CRYM: variants seen among roughly 807,000 people sequenced by gnomAD.
CRYM encodes the protein ketimine reductase mu-crystallin.
Under a neutral mutation model 32.9 loss-of-function variants are expected in CRYM, and 18 were observed. The ratio of observed to expected loss-of-function variants is 0.55; its 90% CI spans 0.38 to 0.81. The LOEUF (loss-of-function observed/expected upper bound fraction) is 0.81. CRYM is among the 30% of genes least tolerant of loss of function. The pLI is 0.00. For synonymous variants in CRYM, 153 were observed against 152.4 expected (o/e 1.00, Z -0.03); for missense variants, 337 against 393.5 (o/e 0.86, Z 1.21).
intron 5 of CRYM, among the ~76,000 whole-genome samples, chr16:21,263,678 A>G (rs1382081425): frequency 6.6e-6 from 1 of 152,242 alleles, no homozygotes; most frequent in African/African-American, 2.4e-5. Flanking sequence ...GACCAGAATG[A>G]TGAATCCAAG....
chr16:21,289,972 G>T (rs549121009), intron 1 of CRYM, among the ~76,000 whole-genome samples: 5 of 151,922 alleles, frequency 3.3e-5, no homozygotes, highest in African/African-American at 1.2e-4. Context: ...TCTAGCTAAA[G>T]GATTGTAAAT....
upstream of CRYM, chr16:21,278,468 C>T (rs879832635): frequency 5.4e-5 from 33 of 607,788 alleles, no homozygotes; most frequent in Admixed American, 9.5e-4. Flanking sequence ...CTTCCAGCAA[C>T]GGATTCCCCA....
At chr16:21,298,119 CCAAT>C (rs1419996282) in intron 1 of CRYM, among the ~76,000 whole-genome samples, 4 of 152,230 alleles carry the variant, frequency 2.6e-5, no homozygotes, top group South Asian at 4.2e-4. Context: ...CAGTATTTGC[CCAAT>C]CAGAGAACTG....
At chr16:21,296,180 C>T (rs1036462217) in intron 1 of CRYM, among the ~76,000 whole-genome samples, 1 of 152,206 alleles carries the variant, frequency 6.6e-6, no homozygotes, top group Admixed American at 6.5e-5. Flanking sequence ...TCGAGTGATC[C>T]ACCCGCCTTG....
At chr16:21,292,510 C>A (rs757195096) in intron 1 of CRYM, among the ~76,000 whole-genome samples, 3 of 152,070 alleles carry the variant, frequency 2.0e-5, no homozygotes, top group Non-Finnish European at 2.9e-5. Flanking sequence ...TTGATTTATA[C>A]GCTCAAAACA....
intron 1 of CRYM, among the ~76,000 whole-genome samples, chr16:21,292,107 CA>C (rs1414724339): frequency 6.6e-6 from 1 of 151,822 alleles, no homozygotes; most frequent in African/African-American, 2.4e-5. Flanking sequence ...TTATAAAGGC[CA>C]AAAATTGAAA....
chr16:21,275,114 T>C (rs1286331461), intron 3 of CRYM, among the ~76,000 whole-genome samples: 1 of 152,218 alleles, frequency 6.6e-6, no homozygotes, highest in African/African-American at 2.4e-5. Context: ...GGGACAATTA[T>C]ACTGTCTTAC....
Position 21,299,822 on chromosome 16 carries a change from A to C in CRYM, c.-193+3156T>G, listed in dbSNP as rs115752115. 3.3e-3 allele frequency: 506 copies of C among 152,320 alleles called. 4 individuals carry two copies. The highest frequency in any genetic ancestry group is 0.012 in the African/African-American group (491 of 41,566). The allele number at this position is 152,320 out of a possible 1,614,324, so 9.4% of individuals were successfully genotyped here. On this transcript the variant is annotated intron_variant, in intron 1 of 9. Coordinates refer to the CRYM transcript ENST00000219599. ...TTAACCTCCTCTATCCACCCCTTCA[A>C]GTATATAGTTAAGTAAATGTAGCAA...
chr16:21,294,701 T>C (rs1960749675), intron 1 of CRYM, among the ~76,000 whole-genome samples: 1 of 151,576 alleles, frequency 6.6e-6, no homozygotes, highest in Admixed American at 6.6e-5. Flanking sequence ...TTTTTTTTTT[T>C]TTCTTTTTTT....
Position 21,302,358 on chromosome 16 carries a change from T to A in CRYM, c.-193+620A>T, listed in dbSNP as rs1257837601. ...CTGATACTTACATTGCGAGAACATG[T>A]TAAGTGTTCCATAAATGGCAGAAGG... On this transcript the variant is annotated intron_variant, in intron 1 of 9. Coordinates refer to the CRYM transcript ENST00000219599. Among the ~76,000 whole-genome samples, 3 of 152,248 alleles carry A rather than the reference T, an allele frequency of 2.0e-5. No individual in the cohort carries two copies. In the South Asian group the frequency reaches 6.2e-4, roughly 31 times the overall value.
chr16:21,269,161 A>AG (rs2093369932), intron 4 of CRYM, among the ~76,000 whole-genome samples: 1 of 151,980 alleles, frequency 6.6e-6, no homozygotes, highest in Non-Finnish European at 1.5e-5. Context: ...AAAAAAAAAA[A>AG]AAAAGTCATG....
intron 5 of CRYM, among the ~76,000 whole-genome samples, chr16:21,265,894 G>C (rs914896436): frequency 2.0e-5 from 3 of 152,184 alleles, no homozygotes; most frequent in Admixed American, 2.0e-4. Flanking sequence ...TGAGGATAGA[G>C]TGCCTCCGTT....
intron 1 of CRYM, among the ~76,000 whole-genome samples, chr16:21,302,231 G>C (rs1156463949): frequency 6.6e-6 from 1 of 152,172 alleles, no homozygotes; most frequent in African/African-American, 2.4e-5. Flanking sequence ...TGTGACCTAT[G>C]GCAAATTGCT....
chr16:21,274,990 A>G (rs1464052439), intron 3 of CRYM, among the ~76,000 whole-genome samples: 2 of 152,194 alleles, frequency 1.3e-5, no homozygotes, highest in African/African-American at 4.8e-5. Flanking sequence ...AACATTTAGA[A>G]CAGTGCCTGA....
chr16:21,275,432 C>T, intron 3 of CRYM, 100 bp downstream of exon 3: 1 of 1,085,938 alleles, frequency 9.2e-7, no homozygotes, highest in Non-Finnish European at 1.4e-6. Flanking sequence ...CAACAGGAAA[C>T]CAAAATAAGT....
At chr16:21,267,811 G>A (rs547678008) in intron 4 of CRYM, 74 bp from the exon 5 acceptor site, 68 of 1,487,276 alleles carry the variant, frequency 4.6e-5, no homozygotes, top group South Asian at 3.1e-4. Context: ...CCAGGGATGC[G>A]GAGGGAAAGT....
chr16:21,261,950 C>A, intron 6 of CRYM, 87 bp downstream of exon 6: 1 of 1,585,316 alleles, frequency 6.3e-7, no homozygotes, highest in Non-Finnish European at 8.6e-7. Flanking sequence ...CTGGAGCAGA[C>A]CAAACTGGAA....
At chr16:21,262,449 G>C in intron 5 of CRYM, 3 of 367,572 alleles carry the variant, frequency 8.2e-6, no homozygotes, top group Non-Finnish European at 1.1e-5. Flanking sequence ...GAAACCCTGT[G>C]TCTACTAAAA....
intron 1 of CRYM, among the ~76,000 whole-genome samples, chr16:21,293,465 G>GA (rs1432370121): frequency 2.0e-5 from 3 of 152,044 alleles, no homozygotes; most frequent in Non-Finnish European, 4.4e-5. Flanking sequence ...GGGAAATACT[G>GA]AAAAAAATCT....
Sources: gnomAD v4.1 joint callset for allele counts (sites outside exome capture counted in the v4.1 genomes callset) on GRCh38, gnomAD v4.1.1 for gene constraint, MANE v1.5 for transcripts, NCBI Gene and HGNC (gene_info 2026-07-23, HGNC 2026-07-21) for gene names.